The following PIWIL1 variants were observed in gnomAD, a reference collection of about 807,000 sequenced individuals.
The protein encoded by PIWIL1 is piwi like RNA-mediated gene silencing 1.
In PIWIL1, 73 loss-of-function variants were observed where a neutral mutation model predicts 114.4. The ratio of observed to expected loss-of-function variants is 0.64; its 90% CI spans 0.53 to 0.78. The LOEUF is 0.78. Ranked by LOEUF, PIWIL1 falls within the 30% of genes least tolerant of loss-of-function variation. PIWIL1 has a pLI of 0.00. For missense variants in PIWIL1, 723 were observed against 1,063.1 expected (o/e 0.68, Z 4.45); for synonymous variants, 375 against 369.0 (o/e 1.02, Z -0.19).
At position 130,354,804 on chromosome 12, in the gene PIWIL1, C is replaced by A. The variant is rs956307815; in HGVS notation, c.1172-84C>A. The A allele has an allele frequency of 7.2e-6, 10 of 1,383,872 alleles. No homozygotes were observed. The African/African-American group carries it at 1.4e-4, about 20-fold the overall frequency. 85.7% of individuals were successfully genotyped at this position (1,383,872 alleles called of 1,614,324 possible). The stretch of plus-strand genomic sequence containing the variant: ...AAACTGCTTTGTCTCCTGGGAATTC[C>A]CACTCACCATCACCCTATACTCCAG... On this transcript the variant is annotated intron_variant, in intron 10 of 20. Transcript: ENST00000245255.
the PIWIL1 span, chr12:130,407,816 TCTC>T: frequency 4.2e-5 from 68 of 1,613,760 alleles, no homozygotes; most frequent in Admixed American, 3.0e-4. Flanking sequence ...GCCTGCCACT[TCTC>T]CTGCTTCTCT....
the PIWIL1 span, among the ~76,000 whole-genome samples, chr12:130,403,573 C>T: frequency 6.6e-6 from 1 of 152,136 alleles, no homozygotes; most frequent in Non-Finnish European, 1.5e-5. Context: ...AACTTTTGTG[C>T]AACTGCAGTC....
At position 130,354,952 on chromosome 12, in the gene PIWIL1, A is replaced by T; in HGVS notation, c.1236A>T (p.Leu412=). 1 of 1,613,988 alleles carries T rather than the reference A, an allele frequency of 6.2e-7. No homozygotes were observed. The highest frequency in any genetic ancestry group is 2.2e-5 in the East Asian group (1 of 44,876). The change falls in exon 11 of 21, where the codon CTA becomes CTT. Residue 412 remains leucine (L), a synonymous_variant. Transcript: ENST00000245255. ...VMKDLAVHTR[L]TPEQRQREVG... is the part of the protein sequence containing the mutation. ...AAGACTTAGCCGTTCATACAAGACT[A>T]ACTCCAGAGCAAAGGCAGCGTGAAG...
chr12:130,392,375 CAT>C, the PIWIL1 span, among the ~76,000 whole-genome samples: 222 of 48,984 alleles, frequency 4.5e-3, 6 homozygotes, highest in African/African-American at 0.018. Context: ...ACCGTCATCA[CAT>C]GTGTCCGTCA....
the PIWIL1 span, chr12:130,412,558 A>G: frequency 6.7e-7 from 1 of 1,491,390 alleles, no homozygotes; most frequent in Admixed American, 1.8e-5. Flanking sequence ...TGCCTCTCTG[A>G]GCGGCAGGTG....
Position 130,357,115 on chromosome 12 carries a change from T to A in PIWIL1, c.1592+10T>A, listed in dbSNP as rs2073383983. On this transcript the variant is annotated intron_variant, in intron 13 of 20. Coordinates refer to ENST00000245255, the MANE Select transcript of PIWIL1 (RefSeq NM_004764.5). The stretch of plus-strand genomic sequence containing the variant: ...TGAGAAAAGCAATAATGTAAGTTAA[T>A]CAAGTCATTTCTGCTCTGAAAATTG... 6.3e-7 allele frequency: 1 copy of A among 1,596,980 alleles called. No homozygotes were observed. The highest frequency in any genetic ancestry group is 8.6e-7 in the Non-Finnish European group (1 of 1,167,968).
the PIWIL1 span, among the ~76,000 whole-genome samples, chr12:130,416,348 A>C: frequency 1.3e-5 from 2 of 152,214 alleles, no homozygotes; most frequent in Non-Finnish European, 2.9e-5. Flanking sequence ...CAGTCACTAT[A>C]ATAGCATGGC....
At chr12:130,339,026 G>A (rs933320981) in intron 1 of PIWIL1, among the ~76,000 whole-genome samples, 1 of 151,974 alleles carries the variant, frequency 6.6e-6, no homozygotes, top group African/African-American at 2.4e-5. Flanking sequence ...GGGACCTCCC[G>A]CACTACCCAC....
intron 3 of PIWIL1, 104 bp from the exon 4 acceptor site, chr12:130,345,649 C>A: frequency 8.3e-7 from 1 of 1,212,044 alleles, no homozygotes; most frequent in Non-Finnish European, 1.2e-6. Flanking sequence ...TTGTCTTCTA[C>A]ACCTCAGTAT....
chr12:130,371,074 AG>A, intron 19 of PIWIL1, 101 bp from the exon 20 acceptor site: 1 of 931,864 alleles, frequency 1.1e-6, no homozygotes, highest in South Asian at 1.5e-5. Flanking sequence ...AGGTTACTGT[AG>A]TAACTTACAG....
chr12:130,392,022 G>C, the PIWIL1 span, among the ~76,000 whole-genome samples: 4,187 of 128,774 alleles, frequency 0.033, 1 homozygote, highest in Middle Eastern at 0.12. Flanking sequence ...TCACGTGTGT[G>C]CGTCAGTTAC....
Position 130,342,631 on chromosome 12 carries a change from C to G in PIWIL1, c.40C>G (p.Arg14Gly). ...RARARARGRA[R>G]GQETAQLVGS... ...CCGAGCCAGAGCCAGAGGAAGGGCC[C>G]GCGGTCAGGAGACAGCGCAGCTGGT... is the stretch of plus-strand genomic sequence containing the variant. Residue 14 changes from arginine to glycine, a missense_variant, in exon 2 of 21, where the codon CGC becomes GGC. Arg to Gly is a moderately radical substitution (Grantham distance 125). This residue lies in a region of PIWIL1 where 91 missense variants were observed against 76.2 expected (regional missense o/e 1.19). Coordinates refer to ENST00000245255, the MANE Select transcript of PIWIL1 (RefSeq NM_004764.5). 6.2e-7 allele frequency: 1 copy of G among 1,613,910 alleles called. No homozygotes were observed. Among genetic ancestry groups the G allele is most frequent in the Admixed American group, 1.7e-5 (1 of 60,024 alleles).
chr12:130,350,464 A>G (rs896315104), intron 9 of PIWIL1, among the ~76,000 whole-genome samples: 2 of 152,248 alleles, frequency 1.3e-5, no homozygotes, highest in African/African-American at 4.8e-5. Flanking sequence ...AGGCTAGATC[A>G]GTCTTTTGGG....
chr12:130,338,156 C>A lies in PIWIL1; in HGVS notation c.-13+10C>A. On this transcript the variant is annotated intron_variant, in intron 1 of 20. Coordinates refer to ENST00000245255, the MANE Select transcript of PIWIL1 (RefSeq NM_004764.5). Reference sequence around the variant, plus strand: ...AGGGCAGCGGTCCAAGGTGCGGGGCCAGGCTGAGGTGCTAGGTGTGCGGGG... The same window carrying A: ...AGGGCAGCGGTCCAAGGTGCGGGGCAAGGCTGAGGTGCTAGGTGTGCGGGG... 1 of 316,084 alleles carries A rather than the reference C, an allele frequency of 3.2e-6. No individual in the cohort carries two copies. Among genetic ancestry groups the A allele is most frequent in the Non-Finnish European group, 6.0e-6 (1 of 165,576 alleles). 19.6% of individuals were successfully genotyped at this position (316,084 alleles called of 1,614,324 possible). A position where few individuals can be genotyped will look rare whatever the true frequency, so the allele number is the denominator to read the frequency against.
At chr12:130,380,502 CA>C in the PIWIL1 span, among the ~76,000 whole-genome samples, 1 of 152,166 alleles carries the variant, frequency 6.6e-6, no homozygotes, top group African/African-American at 2.4e-5. Context: ...AGGGGAAAGG[CA>C]AAGAACTCTG....
chr12:130,363,200 T>C, intron 18 of PIWIL1, 56 bp downstream of exon 18: 2 of 1,523,306 alleles, frequency 1.3e-6, no homozygotes, highest in South Asian at 2.3e-5. Flanking sequence ...CTTTGTATCT[T>C]TGAAATTAGC....
intron 19 of PIWIL1, among the ~76,000 whole-genome samples, chr12:130,367,466 T>C (rs941273693): frequency 9.2e-5 from 14 of 152,222 alleles, no homozygotes; most frequent in African/African-American, 3.1e-4. Context: ...GTACAGTTTT[T>C]CATTGGGGGA....
intron 18 of PIWIL1, 117 bp from the exon 19 acceptor site, chr12:130,367,016 T>A: frequency 1.7e-6 from 2 of 1,170,228 alleles, no homozygotes; most frequent in Non-Finnish European, 1.2e-6. Flanking sequence ...CCTGGACAGA[T>A]GATACGCCCC....
intron 3 of PIWIL1, among the ~76,000 whole-genome samples, chr12:130,344,146 A>G (rs1381568120): frequency 6.6e-6 from 1 of 152,244 alleles, no homozygotes; most frequent in African/African-American, 2.4e-5. Flanking sequence ...GTTTATATTC[A>G]GAAACTGGCA....
Sources: gnomAD v4.1 joint callset for allele counts (sites outside exome capture counted in the v4.1 genomes callset) on GRCh38, gnomAD v4.1.1 for gene constraint, gnomAD v4.1.1 regional missense constraint, MANE v1.5 for transcripts, NCBI Gene and HGNC (gene_info 2026-07-23, HGNC 2026-07-21) for gene names.